The following CEACAM18 variants were observed in gnomAD, a reference collection of about 807,000 sequenced individuals.
CEACAM18 encodes the protein cell adhesion molecule CEACAM18.
CEACAM18 carries 33 observed loss-of-function variants against 34.3 expected under a neutral mutation model. The ratio of observed to expected loss-of-function variants is 0.96; its 90% CI spans 0.73 to 1.29. The LOEUF (loss-of-function observed/expected upper bound fraction) is 1.29. CEACAM18 is among the 50% of genes most tolerant of loss of function. The probability of loss-of-function intolerance (pLI) is 0.00; values close to 1 mark genes in which losing one functional copy is unlikely to be tolerated. For synonymous variants in CEACAM18, 169 were observed against 180.9 expected (o/e 0.93, Z 0.53); for missense variants, 474 against 485.0 (o/e 0.98, Z 0.21).
At chr19:51,487,930 G>A (rs1990032165) in intron 5 of CEACAM18, among the ~76,000 whole-genome samples, 1 of 152,202 alleles carries the variant, frequency 6.6e-6, no homozygotes, top group African/African-American at 2.4e-5. Context: ...CCAGCTCATG[G>A]CTATGAGATT....
rs746694771 is a variant in CEACAM18 at position 51,480,520 on chromosome 19, T to C, written c.240T>C (p.Ser80=). 4.3e-6 allele frequency: 7 copies of C among 1,613,956 alleles called. No homozygotes were observed. In the South Asian group the frequency reaches 6.6e-5, roughly 15 times the overall value. Reference sequence around the variant, plus strand: ...TGATTATCAGCCACAAACCGCCCAGTGCCCAGCAGCCTGGGCCCATGTACA... The same window carrying C: ...TGATTATCAGCCACAAACCGCCCAGCGCCCAGCAGCCTGGGCCCATGTACA... The change falls in exon 2 of 6, where the codon AGT becomes AGC. Residue 80 remains serine, a synonymous_variant. Transcript: ENST00000396477.
upstream of CEACAM18, chr19:51,478,578 A>G: frequency 1.4e-6 from 2 of 1,408,342 alleles, no homozygotes; most frequent in Non-Finnish European, 2.0e-6. Flanking sequence ...CAGGTCTTGG[A>G]GGGAGCAGAG....
exon 4 of CEACAM18, chr19:51,483,046 A>G: frequency 6.2e-7 from 1 of 1,613,982 alleles, no homozygotes; most frequent in Non-Finnish European, 8.5e-7. Flanking sequence ...GCTGAGGAGC[A>G]ATCCTGATGA....
At chr19:51,484,945 G>C (rs1989975279) in intron 4 of CEACAM18, 42 bp from the exon 5 acceptor site, 3 of 1,535,594 alleles carry the variant, frequency 2.0e-6, no homozygotes, top group Non-Finnish European at 2.6e-6. Context: ...TGCATGAATG[G>C]GTCAATCGTG....
chr19:51,480,610 G>A (rs746854021), exon 2 of CEACAM18: 5 of 1,613,952 alleles, frequency 3.1e-6, no homozygotes, highest in Non-Finnish European at 4.2e-6. Flanking sequence ...TAAATGACAC[G>A]GGAAACTACA....
At chr19:51,489,060 C>G (rs571721666) in intron 5 of CEACAM18, among the ~76,000 whole-genome samples, 1 of 150,992 alleles carries the variant, frequency 6.6e-6, no homozygotes, top group Non-Finnish European at 1.5e-5. Flanking sequence ...TTTCTTCAGA[C>G]GAAAAGTTTC....
At chr19:51,483,275 T>G (rs760041658) in exon 4 of CEACAM18, 2 of 1,613,950 alleles carry the variant, frequency 1.2e-6, no homozygotes, top group Admixed American at 3.3e-5. Context: ...TACATGGACG[T>G]CAGGATCCAG....
At chr19:51,488,316 G>A (rs926375683) in intron 5 of CEACAM18, among the ~76,000 whole-genome samples, 3 of 152,194 alleles carry the variant, frequency 2.0e-5, no homozygotes, top group Non-Finnish European at 4.4e-5. Context: ...TGCTTACTGT[G>A]TACCAACCCT....
At chr19:51,483,269 T>C (rs773551726) in exon 4 of CEACAM18, 1 of 1,614,030 alleles carries the variant, frequency 6.2e-7, no homozygotes, top group African/African-American at 1.3e-5. Flanking sequence ...ATCATGTACA[T>C]GGACGTCAGG....
exon 4 of CEACAM18, chr19:51,483,146 T>C: frequency 3.7e-6 from 6 of 1,613,962 alleles, no homozygotes; most frequent in Non-Finnish European, 5.1e-6. Flanking sequence ...TACCACTGGA[T>C]CCACAATGGC....
intron 5 of CEACAM18, among the ~76,000 whole-genome samples, chr19:51,489,616 G>A (rs937787289): frequency 2.4e-4 from 37 of 152,062 alleles, no homozygotes; most frequent in Admixed American, 6.6e-5. Flanking sequence ...ATTATTATAT[G>A]GTCCCTTCAC....
chr19:51,486,868 C>T (rs1990012477), intron 5 of CEACAM18, among the ~76,000 whole-genome samples: 1 of 151,246 alleles, frequency 6.6e-6, no homozygotes, highest in African/African-American at 2.4e-5. Context: ...CAGGCGCCCG[C>T]CACCACACCT....
chr19:51,481,775 G>T (rs948307492), intron 3 of CEACAM18, 110 bp downstream of exon 3: 1 of 1,146,334 alleles, frequency 8.7e-7, no homozygotes. Context: ...TCCTGGGCCA[G>T]CCTGCAGCCA....
chr19:51,488,472 G>A (rs1465477643), intron 5 of CEACAM18, among the ~76,000 whole-genome samples: 1 of 152,220 alleles, frequency 6.6e-6, no homozygotes, highest in Non-Finnish European at 1.5e-5. Flanking sequence ...TATGGTCAAT[G>A]TTGTAGGCTC....
chr19:51,490,922 T>G, exon 6 of CEACAM18: 1 of 326,584 alleles, frequency 3.1e-6, no homozygotes, highest in Non-Finnish European at 5.5e-6. Context: ...AGCTGGGCTC[T>G]AATTCCAAGC....
Position 51,481,685 on chromosome 19 carries a change from G to A in CEACAM18, c.673+20G>A, listed in dbSNP as rs1327469550. 6.2e-7 allele frequency: 1 copy of A among 1,602,090 alleles called. No homozygotes were observed. Among genetic ancestry groups the A allele is most frequent in the Non-Finnish European group, 8.5e-7 (1 of 1,172,226 alleles). ...TGGCCTGTGAGTGGTCTGGGCTCCTGGGACTGAAGCCAGGGCTGGTCTCAG... is the reference window on the plus strand; with the variant it reads ...TGGCCTGTGAGTGGTCTGGGCTCCTAGGACTGAAGCCAGGGCTGGTCTCAG... On this transcript the variant is annotated intron_variant, in intron 3 of 5. Transcript: ENST00000396477.
At chr19:51,486,251 A>G (rs1434049281) in intron 5 of CEACAM18, among the ~76,000 whole-genome samples, 1 of 152,040 alleles carries the variant, frequency 6.6e-6, no homozygotes, top group African/African-American at 2.4e-5. Context: ...TGACAATAGT[A>G]TTATGGTGAT....
exon 3 of CEACAM18, chr19:51,481,591 G>C (rs1156741789): frequency 1.2e-6 from 2 of 1,614,032 alleles, no homozygotes; most frequent in Admixed American, 3.3e-5. Flanking sequence ...CGCTATGACA[G>C]AACAATTCAG....
chr19:51,490,737 C>T (rs772622485), exon 6 of CEACAM18: 46 of 730,704 alleles, frequency 6.3e-5, no homozygotes, highest in Non-Finnish European at 8.7e-5. Context: ...AGGGTACTGG[C>T]AAGAGAGGGA....
Sources: allele counts gnomAD v4.1 joint callset (sites outside exome capture counted in the v4.1 genomes callset), GRCh38; gene constraint gnomAD v4.1.1; transcripts MANE v1.5; gene names NCBI Gene and HGNC (gene_info 2026-07-23, HGNC 2026-07-21).